Variants in BAZ2B observed in about 807,000 individuals in gnomAD.
The protein encoded by BAZ2B is bromodomain adjacent to zinc finger domain protein 2B.
A neutral mutation model predicts 246.0 loss-of-function variants in BAZ2B; 91 were observed. The ratio of observed to expected loss-of-function variants is 0.37; its 90% CI spans 0.31 to 0.44. The LOEUF is 0.44. Among genes scored for constraint, BAZ2B ranks in the 20% least tolerant of loss-of-function variants. The probability of loss-of-function intolerance (pLI) is 1.00; values close to 1 mark genes in which losing one functional copy is unlikely to be tolerated. For synonymous variants in BAZ2B, 855 were observed against 860.0 expected (o/e 0.99, Z 0.10); for missense variants, 2,332 against 2,533.7 (o/e 0.92, Z 1.71).
chr2:159,439,579 T>G (rs1222433821), intron 6 of BAZ2B, among the ~76,000 whole-genome samples: 2 of 152,220 alleles, frequency 1.3e-5, no homozygotes, highest in African/African-American at 4.8e-5. Context: ...TTTAGTCTTC[T>G]TTCTTTTTGC....
intron 2 of BAZ2B, among the ~76,000 whole-genome samples, chr2:159,493,416 T>C (rs1401542582): frequency 6.6e-6 from 1 of 152,230 alleles, no homozygotes; most frequent in East Asian, 1.9e-4. Flanking sequence ...GCCTGTTTCA[T>C]ACTGAGTAAC....
In BAZ2B at chr2:159,539,213, G is replaced by A. The variant is rs149237057; in HGVS notation, c.-3+16610C>T. Reference sequence around the variant, plus strand: ...ACCAGTTTATGTGTCTGTCTCTCCAGTAGAAGATAAGCTCCTAATGAAGAA... The same window carrying A: ...ACCAGTTTATGTGTCTGTCTCTCCAATAGAAGATAAGCTCCTAATGAAGAA... On this transcript the variant is annotated intron_variant, in intron 2 of 36. Transcript: ENST00000392783. 4.7e-3 allele frequency among the ~76,000 whole-genome samples: 717 copies of A among 152,266 alleles called. 5 individuals are homozygous for A. Among genetic ancestry groups the A allele is most frequent in the African/African-American group, 0.016 (679 of 41,554 alleles).
At chr2:159,470,046 T>A (rs2077579312) in intron 3 of BAZ2B, among the ~76,000 whole-genome samples, 1 of 152,230 alleles carries the variant, frequency 6.6e-6, no homozygotes, top group Non-Finnish European at 1.5e-5. Flanking sequence ...TTTATTTCTA[T>A]ACTTGCTTTC....
intron 2 of BAZ2B, among the ~76,000 whole-genome samples, chr2:159,545,473 T>C (rs980942261): frequency 6.6e-6 from 1 of 152,188 alleles, no homozygotes; most frequent in African/African-American, 2.4e-5. Context: ...AAAAGAGGAA[T>C]CTATTAACAC....
intron 8 of BAZ2B, among the ~76,000 whole-genome samples, chr2:159,435,706 C>T (rs1040813984): frequency 8.6e-5 from 13 of 152,040 alleles, no homozygotes. Context: ...CCAGGCTGGC[C>T]TCGAACTCCT....
rs751008845 is a variant in BAZ2B, at chr2:159,432,787, C to T, written c.1870G>A (p.Glu624Lys). The change falls in exon 9 of 37, where the codon GAA (glutamate) becomes AAA (lysine). Residue 624 changes from glutamate (E) to lysine (K), a missense_variant. By Grantham distance (56) the Glu-to-Lys change is moderately conservative. Around this residue, in one of 9 missense-constraint regions of BAZ2B, gnomAD observed 651 missense variants for 650.9 expected, o/e 1.00. Coordinates refer to ENST00000392783, the MANE Select transcript of BAZ2B (RefSeq NM_013450.4). ...TGGCTGTCATCAGATTCATCATCTT[C>T]ATCATCTTCCTCATCTTCTTCTTCA... ...DDEEEDEEDD[E>K]DDESDDSQSE... 19 of 1,612,926 alleles carry T rather than the reference C, an allele frequency of 1.2e-5. No homozygotes were observed. The highest frequency in any genetic ancestry group is 1.5e-5 in the Non-Finnish European group (18 of 1,179,218).
intron 1 of BAZ2B, among the ~76,000 whole-genome samples, chr2:159,589,989 C>A (rs1489276597): frequency 1.3e-5 from 2 of 151,922 alleles, no homozygotes; most frequent in Non-Finnish European, 2.9e-5. Flanking sequence ...GAGTTTGAGA[C>A]CAGCCTGGCC....
chr2:159,397,190 A>G (rs2064154616), intron 19 of BAZ2B, 155 bp downstream of exon 19: 1 of 1,312,228 alleles, frequency 7.6e-7, no homozygotes, highest in Admixed American at 2.3e-5. Flanking sequence ...CACCAATACC[A>G]AAGCAAGGCA....
chr2:159,597,269 A>G (rs1690945677), intron 1 of BAZ2B, among the ~76,000 whole-genome samples: 1 of 152,164 alleles, frequency 6.6e-6, no homozygotes, highest in Non-Finnish European at 1.5e-5. Context: ...TTGAGTATTT[A>G]AAATGTTCGA....
chr2:159,541,325 C>A (rs1358003750), intron 2 of BAZ2B, among the ~76,000 whole-genome samples: 1 of 151,894 alleles, frequency 6.6e-6, no homozygotes, highest in Non-Finnish European at 1.5e-5. Context: ...GTTGCCCAGG[C>A]TGGAGTGTAG....
At chr2:159,332,417 T>A in intron 34 of BAZ2B, 123 bp downstream of exon 34, 1 of 959,144 alleles carries the variant, frequency 1.0e-6, no homozygotes, top group Non-Finnish European at 1.5e-6. Flanking sequence ...AGCCCAGGAG[T>A]TTTAGGCTGT....
Position 159,448,295 on chromosome 2 carries a change from G to A in BAZ2B, c.449C>T (p.Ser150Phe). 6.2e-7 allele frequency: 1 copy of A among 1,612,892 alleles called. No individual in the cohort carries two copies. The highest frequency in any genetic ancestry group is 8.5e-7 in the Non-Finnish European group (1 of 1,179,696). ...TCCCGAAGTCCTTGAATGGAATGAA[G>A]AAGAATCATGATTCTGGGCTGGGGG... ...FAPPAQNHDS[S>F]SFHSRTSGKS... The change falls in exon 5 of 37, where the codon TCT (serine) becomes TTT (phenylalanine). Residue 150 changes from serine to phenylalanine, a missense_variant. Transcript: ENST00000392783.
At chr2:159,598,040 G>C (rs1487044180) in intron 1 of BAZ2B, among the ~76,000 whole-genome samples, 1 of 150,064 alleles carries the variant, frequency 6.7e-6, no homozygotes, top group African/African-American at 2.5e-5. Flanking sequence ...TGTCACCTAG[G>C]CTGGATGCAG....
chr2:159,395,061 A>G (rs7609152), intron 20 of BAZ2B, among the ~76,000 whole-genome samples: 112,833 of 151,884 alleles, frequency 0.74, 43,883 homozygotes, highest in Non-Finnish European at 0.88. Flanking sequence ...TATCTCACTC[A>G]AAAATCCCAT....
At chr2:159,566,222 G>C (rs530909267) in intron 1 of BAZ2B, among the ~76,000 whole-genome samples, 1 of 152,184 alleles carries the variant, frequency 6.6e-6, no homozygotes, top group Admixed American at 6.5e-5. Context: ...TGTTGGTCAG[G>C]CTGGTTTCGA....
the BAZ2B span, among the ~76,000 whole-genome samples, chr2:159,635,874 T>G: frequency 6.6e-6 from 1 of 151,892 alleles, no homozygotes; most frequent in African/African-American, 2.4e-5. Flanking sequence ...CTGGGCAACA[T>G]AGGGAGACCC....
chr2:159,482,134 A>AC (rs1235674028), intron 2 of BAZ2B, among the ~76,000 whole-genome samples: 3 of 64,174 alleles, frequency 4.7e-5, no homozygotes, highest in Non-Finnish European at 1.2e-4. Context: ...AAAAAAACAA[A>AC]CAAAAAAAAA....
chr2:159,615,537 G>T (rs925508658), intron 1 of BAZ2B: 1 of 152,106 alleles, frequency 6.6e-6, no homozygotes, highest in Non-Finnish European at 1.5e-5. Context: ...AGCTACACAC[G>T]GGAGAGCTAG....
upstream of BAZ2B, chr2:159,616,567 TTCTC>T (rs751233499): frequency 1.3e-5 from 2 of 152,064 alleles, no homozygotes; most frequent in Non-Finnish European, 2.9e-5. Context: ...CCAACAAGGC[TTCTC>T]TCTCTCTCCT....
Sources: gnomAD v4.1 joint callset for allele counts (sites outside exome capture counted in the v4.1 genomes callset) on GRCh38, gnomAD v4.1.1 for gene constraint, gnomAD v4.1.1 regional missense constraint, MANE v1.5 for transcripts, NCBI Gene and HGNC (gene_info 2026-07-23, HGNC 2026-07-21) for gene names.